The following SLC16A7 variants were observed in gnomAD, a reference collection of about 807,000 sequenced individuals.
The protein encoded by SLC16A7 is solute carrier family 16 member 7, also known as monocarboxylate transporter 2.
A neutral mutation model predicts 34.9 loss-of-function variants in SLC16A7; 33 were observed. The ratio of observed to expected loss-of-function variants is 0.94; its 90% CI spans 0.72 to 1.26. The LOEUF (loss-of-function observed/expected upper bound fraction) is 1.26. Ranked by LOEUF, SLC16A7 falls within the 50% of genes most tolerant of loss-of-function variation. The pLI is 0.00. For missense variants in SLC16A7, 573 were observed against 578.1 expected (o/e 0.99, Z 0.09); for synonymous variants, 201 against 206.6 (o/e 0.97, Z 0.23).
chr12:59,747,628 T>C (rs1565691445), intron 3 of SLC16A7, among the ~76,000 whole-genome samples: 3 of 152,208 alleles, frequency 2.0e-5, no homozygotes, highest in African/African-American at 4.8e-5. Flanking sequence ...TAGCTCACAC[T>C]TTTTAAAGCA....
At chr12:59,654,197 T>A (rs989731254) in intron 1 of SLC16A7, among the ~76,000 whole-genome samples, 1 of 151,236 alleles carries the variant, frequency 6.6e-6, no homozygotes, top group Admixed American at 6.6e-5. Flanking sequence ...ATAATCTGTA[T>A]CTAAAGGAGT....
chr12:59,777,881 C>G (rs1348811803), intron 5 of SLC16A7, among the ~76,000 whole-genome samples: 1 of 148,328 alleles, frequency 6.7e-6, no homozygotes, highest in African/African-American at 2.5e-5. Flanking sequence ...CAATTCCCAC[C>G]TATGAGTGAG....
At chr12:59,636,974 A>T (rs1056845590) in intron 1 of SLC16A7, among the ~76,000 whole-genome samples, 3 of 152,086 alleles carry the variant, frequency 2.0e-5, no homozygotes, top group African/African-American at 7.2e-5. Flanking sequence ...AGTACCTCTG[A>T]CCTTTCAGCT....
intron 1 of SLC16A7, among the ~76,000 whole-genome samples, chr12:59,610,558 C>CA (rs1239694034): frequency 2.6e-5 from 4 of 151,592 alleles, no homozygotes; most frequent in African/African-American, 4.8e-5. Context: ...AATGACTACT[C>CA]AAAAAAAACC....
intron 2 of SLC16A7, among the ~76,000 whole-genome samples, chr12:59,692,833 A>G (rs536504964): frequency 1.8e-3 from 271 of 152,092 alleles, no homozygotes; most frequent in African/African-American, 6.1e-3. Flanking sequence ...ATAGGATTTA[A>G]GAGATGGTTC....
rs140172314 is a variant in SLC16A7, at chr12:59,676,301, G to A, written c.-31+21051G>A. ...CTAATTGGATAAAAAATAAAATTTT[G>A]TATTGAATATATGTGCATTTTGAGT... is the stretch of plus-strand genomic sequence containing the variant. On this transcript the variant is annotated intron_variant, in intron 2 of 5. Coordinates refer to ENST00000547379, the MANE Select transcript of SLC16A7 (RefSeq NM_001270623.2). 3.4e-3 allele frequency among the ~76,000 whole-genome samples: 524 copies of A among 152,114 alleles called. 3 individuals are homozygous for A. The highest frequency in any genetic ancestry group is 0.012 in the African/African-American group (482 of 41,534).
At chr12:59,682,298 A>G (rs1410011559) in intron 2 of SLC16A7, among the ~76,000 whole-genome samples, 1 of 152,208 alleles carries the variant, frequency 6.6e-6, no homozygotes, top group Non-Finnish European at 1.5e-5. Context: ...AGTTTATATA[A>G]TTAAACATAC....
At chr12:59,645,837 T>C (rs1234663107) in intron 1 of SLC16A7, among the ~76,000 whole-genome samples, 1 of 152,058 alleles carries the variant, frequency 6.6e-6, no homozygotes, top group Non-Finnish European at 1.5e-5. Flanking sequence ...ATGCTGATAG[T>C]AATAGGGACA....
intron 2 of SLC16A7, among the ~76,000 whole-genome samples, chr12:59,684,334 G>A (rs929392931): frequency 2.0e-5 from 3 of 152,298 alleles, no homozygotes; most frequent in African/African-American, 7.2e-5. Flanking sequence ...ATTAGCATGA[G>A]AGGGACTCCT....
At chr12:59,712,144 G>A (rs182930980) in intron 3 of SLC16A7, among the ~76,000 whole-genome samples, 3 of 152,166 alleles carry the variant, frequency 2.0e-5, no homozygotes, top group Non-Finnish European at 2.9e-5. Context: ...CACCAAATAC[G>A]ATACTTAGGA....
chr12:59,603,810 T>C (rs1183398262), intron 1 of SLC16A7, among the ~76,000 whole-genome samples: 1 of 152,236 alleles, frequency 6.6e-6, no homozygotes, highest in Non-Finnish European at 1.5e-5. Context: ...TTTCCACTTT[T>C]ATGTGTTGTT....
At chr12:59,748,433 CAT>C (rs1329061892) in intron 3 of SLC16A7, among the ~76,000 whole-genome samples, 4 of 152,268 alleles carry the variant, frequency 2.6e-5, no homozygotes, top group South Asian at 2.1e-4. Context: ...ATGCCTAAAA[CAT>C]GTGTGACACT....
At chr12:59,719,991 G>GTC in intron 3 of SLC16A7, 1 of 667,122 alleles carries the variant, frequency 1.5e-6, no homozygotes, top group Non-Finnish European at 2.7e-6. Context: ...GCATACCTGG[G>GTC]TCTACCTGAC....
intron 3 of SLC16A7, among the ~76,000 whole-genome samples, chr12:59,727,041 C>A (rs1052535530): frequency 6.6e-6 from 1 of 151,540 alleles, no homozygotes; most frequent in African/African-American, 2.4e-5. Context: ...GATCATGAGG[C>A]AAAACTTGTC....
chr12:59,634,023 C>G (rs185609886), intron 1 of SLC16A7, among the ~76,000 whole-genome samples: 2 of 152,222 alleles, frequency 1.3e-5, no homozygotes, highest in Non-Finnish European at 2.9e-5. Context: ...GTAACCCTTA[C>G]TGATGATTAC....
chr12:59,729,314 G>A (rs927820646), intron 3 of SLC16A7, among the ~76,000 whole-genome samples: 1 of 152,002 alleles, frequency 6.6e-6, no homozygotes, highest in East Asian at 1.9e-4. Context: ...GCCCAGGTGG[G>A]CATTGTCTTT....
At chr12:59,770,627 T>C (rs11173138) in intron 3 of SLC16A7, among the ~76,000 whole-genome samples, 22,694 of 152,164 alleles carry the variant, frequency 0.15, 1,999 homozygotes, top group Non-Finnish European at 0.19. Context: ...TGACTGCCTC[T>C]TGATGAACCT....
chr12:59,678,496 T>C (rs1026804087), intron 2 of SLC16A7, among the ~76,000 whole-genome samples: 5 of 152,170 alleles, frequency 3.3e-5, no homozygotes, highest in African/African-American at 1.2e-4. Context: ...GTAGTTCCGA[T>C]GTCTGCTCAG....
At chr12:59,608,122 T>G (rs1879027242) in intron 1 of SLC16A7, among the ~76,000 whole-genome samples, 1 of 152,222 alleles carries the variant, frequency 6.6e-6, no homozygotes, top group African/African-American at 2.4e-5. Context: ...TTTATGGAAC[T>G]ATAACTTTCT....
Sources: allele counts gnomAD v4.1 joint callset (sites outside exome capture counted in the v4.1 genomes callset), GRCh38; gene constraint gnomAD v4.1.1; transcripts MANE v1.5; gene names NCBI Gene and HGNC (gene_info 2026-07-23, HGNC 2026-07-21).